Variants in TM9SF3 observed in about 807,000 individuals in gnomAD.
TM9SF3 encodes the protein transmembrane 9 superfamily member 3, also known as SM-11044-binding protein.
Under a neutral mutation model 78.6 loss-of-function variants are expected in TM9SF3, and 14 were observed. The ratio of observed to expected loss-of-function variants is 0.18; its 90% CI spans 0.12 to 0.28. TM9SF3 has a LOEUF of 0.28. Among genes scored for constraint, TM9SF3 ranks in the 10% least tolerant of loss-of-function variants. TM9SF3 has a pLI of 1.00. For missense variants in TM9SF3, 496 were observed against 721.9 expected (o/e 0.69, Z 3.59); for synonymous variants, 231 against 241.7 (o/e 0.96, Z 0.41).
At chr10:96,539,840 TATC>T (rs1848001848) in intron 9 of TM9SF3, among the ~76,000 whole-genome samples, 1 of 152,056 alleles carries the variant, frequency 6.6e-6, no homozygotes, top group African/African-American at 2.4e-5. Flanking sequence ...AACAAAAACC[TATC>T]ATCACCACCA....
intron 6 of TM9SF3, 68 bp downstream of exon 6, chr10:96,552,860 C>G: frequency 7.5e-7 from 1 of 1,340,642 alleles, no homozygotes; most frequent in Non-Finnish European, 9.6e-7. Context: ...TATGACCTAC[C>G]TCCCAACATT....
At chr10:96,578,987 G>T (rs757888293) in intron 1 of TM9SF3, among the ~76,000 whole-genome samples, 5 of 152,240 alleles carry the variant, frequency 3.3e-5, no homozygotes, top group Non-Finnish European at 7.3e-5. Context: ...TGAGGCAAGA[G>T]AATCACTTGA....
At chr10:96,581,645 T>A (rs563545172) in intron 1 of TM9SF3, among the ~76,000 whole-genome samples, 6 of 152,318 alleles carry the variant, frequency 3.9e-5, no homozygotes, top group Admixed American at 3.9e-4. Flanking sequence ...ATTAGATAAC[T>A]CACAAATTCA....
At chr10:96,577,424 A>G (rs921737830) in intron 1 of TM9SF3, 3 of 152,194 alleles carry the variant, frequency 2.0e-5, no homozygotes, top group Non-Finnish European at 4.4e-5. Flanking sequence ...CATGCACTAT[A>G]TGCATATTTC....
chr10:96,562,873 A>G (rs1848326062), intron 3 of TM9SF3, among the ~76,000 whole-genome samples: 1 of 152,188 alleles, frequency 6.6e-6, no homozygotes, highest in South Asian at 2.1e-4. Flanking sequence ...TTCCCCACCC[A>G]AGCCTAAACA....
chr10:96,569,719 T>G (rs929173685), intron 2 of TM9SF3, among the ~76,000 whole-genome samples: 1 of 151,986 alleles, frequency 6.6e-6, no homozygotes, highest in African/African-American at 2.4e-5. Context: ...GAAGGAAGGA[T>G]CAAAATATCA....
chr10:96,540,924 C>G (rs1342268693), intron 9 of TM9SF3, among the ~76,000 whole-genome samples: 6 of 151,216 alleles, frequency 4.0e-5, no homozygotes, highest in African/African-American at 1.5e-4. Flanking sequence ...ATTACAAGTG[C>G]CCACCACCAC....
At chr10:96,553,127 G>T in intron 5 of TM9SF3, 68 bp from the exon 6 acceptor site, 2 of 1,456,600 alleles carry the variant, frequency 1.4e-6, no homozygotes, top group East Asian at 2.5e-5. Context: ...GGTTCCATGA[G>T]GACAACCGGA....
At chr10:96,527,545 A>G (rs1313150746) in intron 12 of TM9SF3, 49 bp from the exon 13 acceptor site, 1 of 1,417,182 alleles carries the variant, frequency 7.1e-7, no homozygotes, top group South Asian at 1.3e-5. Context: ...AATGAATGGC[A>G]CTAAAACAAA....
At chr10:96,531,388 C>T (rs2134131488) in intron 10 of TM9SF3, among the ~76,000 whole-genome samples, 1 of 99,884 alleles carries the variant, frequency 1.0e-5, no homozygotes. Flanking sequence ...CATGTGTGTA[C>T]ATATATATAA....
intron 5 of TM9SF3, among the ~76,000 whole-genome samples, chr10:96,559,195 G>T (rs994132272): frequency 6.6e-6 from 1 of 152,010 alleles, no homozygotes; most frequent in African/African-American, 2.4e-5. Context: ...TTCTCACACC[G>T]TAAGTTGTAT....
intron 2 of TM9SF3, among the ~76,000 whole-genome samples, chr10:96,566,027 G>A (rs991877437): frequency 3.3e-5 from 5 of 152,104 alleles, no homozygotes; most frequent in Non-Finnish European, 5.9e-5. Context: ...CACCCCGACT[G>A]CTTTCAAAGA....
intron 1 of TM9SF3, among the ~76,000 whole-genome samples, chr10:96,578,379 A>G (rs533588012): frequency 1.2e-4 from 19 of 152,338 alleles, no homozygotes; most frequent in African/African-American, 4.6e-4. Flanking sequence ...CAAAGAAAAA[A>G]TAAGTATTAT....
At chr10:96,573,635 C>T (rs1448315373) in intron 2 of TM9SF3, among the ~76,000 whole-genome samples, 1 of 152,052 alleles carries the variant, frequency 6.6e-6, no homozygotes, top group Non-Finnish European at 1.5e-5. Flanking sequence ...AAACCATATT[C>T]CTCTATTTAA....
chr10:96,581,162 G>A (rs778330462), intron 1 of TM9SF3, among the ~76,000 whole-genome samples: 14 of 152,218 alleles, frequency 9.2e-5, no homozygotes, highest in Non-Finnish European at 1.9e-4. Flanking sequence ...TTCTCAAGAA[G>A]TCACCAATGT....
chr10:96,521,557 C>T lies in TM9SF3; in HGVS notation c.*706G>A, dbSNP rs1201886403. 1.3e-5 allele frequency: 2 copies of T among 152,324 alleles called. No homozygotes were observed. The highest frequency in any genetic ancestry group is 4.8e-5 in the African/African-American group (2 of 41,396). The allele number at this position is 152,324 out of a possible 1,614,324, so 9.4% of individuals were successfully genotyped here. ...AGTAAATTGCATTGTAGAGAGTACA[C>T]TTCTGTCTTCAAACTGTATCTTCTT... On this transcript the variant is annotated 3_prime_UTR_variant, in exon 15 of 15. Transcript: ENST00000371142.
chr10:96,585,537 G>T (rs1341953447), intron 1 of TM9SF3, among the ~76,000 whole-genome samples: 1 of 152,196 alleles, frequency 6.6e-6, no homozygotes, highest in Admixed American at 6.5e-5. Flanking sequence ...ACCTACACAG[G>T]TAAGAAGTTT....
chr10:96,521,131 C>A lies in TM9SF3; in HGVS notation c.*1132G>T. ...GTCTCAGAAAATAAACAGAAGAAAA[C>A]AACCCCCCTCCCAAAAGAAGTATGA... On this transcript the variant is annotated 3_prime_UTR_variant, in exon 15 of 15. Transcript: ENST00000371142. 1 of 372,166 alleles carries A rather than the reference C, an allele frequency of 2.7e-6. No individual in the cohort carries two copies. Among genetic ancestry groups the A allele is most frequent in the Non-Finnish European group, 4.8e-6 (1 of 208,704 alleles). 23.1% of individuals were successfully genotyped at this position (372,166 alleles called of 1,614,324 possible). A position where few individuals can be genotyped will look rare whatever the true frequency, so the allele number is the denominator to read the frequency against.
At chr10:96,570,700 A>C (rs966777528) in intron 2 of TM9SF3, among the ~76,000 whole-genome samples, 3 of 152,202 alleles carry the variant, frequency 2.0e-5, no homozygotes, top group African/African-American at 7.2e-5. Context: ...AAGGAATAAA[A>C]AGTATGTTAA....
Sources: allele counts gnomAD v4.1 joint callset (sites outside exome capture counted in the v4.1 genomes callset), GRCh38; gene constraint gnomAD v4.1.1; transcripts MANE v1.5; gene names NCBI Gene and HGNC (gene_info 2026-07-23, HGNC 2026-07-21).